Variants in TVP23C observed in about 807,000 individuals in gnomAD.
TVP23C encodes trans-golgi network vesicle protein 23 homolog C.
Under a neutral mutation model 28.7 loss-of-function variants are expected in TVP23C, and 19 were observed. The ratio of observed to expected loss-of-function variants is 0.66; its 90% CI spans 0.46 to 0.97. The LOEUF is 0.97. Ranked by LOEUF, TVP23C falls within the 50% of genes least tolerant of loss-of-function variation. TVP23C has a pLI of 0.00. For missense variants in TVP23C, 186 were observed against 241.3 expected (o/e 0.77, Z 1.52); for synonymous variants, 68 against 81.7 (o/e 0.83, Z 0.90).
At chr17:15,513,895 A>T (rs767527755) in intron 5 of TVP23C, among the ~76,000 whole-genome samples, 11 of 152,258 alleles carry the variant, frequency 7.2e-5, no homozygotes, top group Non-Finnish European at 1.0e-4. Context: ...ATCTCAGCAT[A>T]GGGCAGAAGA....
At chr17:15,510,564 G>A (rs567273671) in intron 5 of TVP23C, among the ~76,000 whole-genome samples, 1 of 152,108 alleles carries the variant, frequency 6.6e-6, no homozygotes, top group Non-Finnish European at 1.5e-5. Context: ...AGTTACCTTA[G>A]TCATAGTTCC....
chr17:15,505,950 C>G (rs1327217181), intron 5 of TVP23C, among the ~76,000 whole-genome samples: 1 of 152,238 alleles, frequency 6.6e-6, no homozygotes, highest in Non-Finnish European at 1.5e-5. Context: ...GACCTGCAGC[C>G]CGCCATGCCT....
exon 6 of TVP23C, chr17:15,503,060 GCTC>G: frequency 1.2e-6 from 2 of 1,614,128 alleles, no homozygotes; most frequent in Non-Finnish European, 1.7e-6. Flanking sequence ...CCAGTAAAGA[GCTC>G]GATCCGTGAT....
chr17:15,503,094 C>G, exon 6 of TVP23C: 3 of 1,614,104 alleles, frequency 1.9e-6, no homozygotes, highest in Non-Finnish European at 2.5e-6. Context: ...GAATTAATGT[C>G]TACCTGATGA....
intron 4 of TVP23C, among the ~76,000 whole-genome samples, chr17:15,546,248 T>C (rs1983642027): frequency 1.3e-5 from 2 of 151,964 alleles, no homozygotes; most frequent in South Asian, 2.1e-4. Context: ...TTCTGACCAA[T>C]GATCAAGGAA....
chr17:15,534,596 CA>C (rs1567637795), downstream of TVP23C, among the ~76,000 whole-genome samples: 1 of 147,972 alleles, frequency 6.8e-6, no homozygotes, highest in African/African-American at 2.5e-5. Context: ...CACACACACA[CA>C]CACACACACA....
At chr17:15,556,184 T>C (rs1354953296) in intron 1 of TVP23C, among the ~76,000 whole-genome samples, 2 of 152,194 alleles carry the variant, frequency 1.3e-5, no homozygotes, top group Admixed American at 6.5e-5. Context: ...CCCAAAGTGC[T>C]GGGATTACAG....
intron 3 of TVP23C, among the ~76,000 whole-genome samples, chr17:15,551,677 T>G (rs60194124): frequency 0.94 from 140,719 of 150,156 alleles, 66,261 homozygotes; most frequent in Non-Finnish European, 0.99. Flanking sequence ...GATTTTTTTG[T>G]GTGCGATTTT....
At chr17:15,563,094 T>C (rs1262024896) in intron 1 of TVP23C, 3 of 403,248 alleles carry the variant, frequency 7.4e-6, no homozygotes, top group African/African-American at 6.0e-5. Context: ...ATCGCACCCC[T>C]GGGTGTCAGG....
intron 5 of TVP23C, among the ~76,000 whole-genome samples, chr17:15,544,747 C>T (rs1983568941): frequency 2.0e-5 from 3 of 152,140 alleles, no homozygotes; most frequent in African/African-American, 7.2e-5. Context: ...TTAAAGGTAA[C>T]TACCAGAAGA....
intron 3 of TVP23C, among the ~76,000 whole-genome samples, chr17:15,550,728 T>C (rs1169217686): frequency 2.0e-5 from 3 of 152,230 alleles, no homozygotes; most frequent in African/African-American, 7.2e-5. Context: ...TTTCTTACTC[T>C]GATCCATATC....
Position 15,539,548 on chromosome 17 carries a change from A to C in TVP23C, c.*864T>G, listed in dbSNP as rs1983315594. On this transcript the variant is annotated 3_prime_UTR_variant, in exon 6 of 6. Coordinates refer to ENST00000518321, the MANE Select transcript of TVP23C (RefSeq NM_001135036.2). ...AACCCGGGAGGCGGAGCTTGCAGTA[A>C]GCCGAGATCACGCCACTGCACTCCA... The C allele has an allele frequency of 1.3e-6, 1 of 766,538 alleles. No homozygotes were observed. The highest frequency in any genetic ancestry group is 1.6e-6 in the Non-Finnish European group (1 of 631,084). 47.5% of individuals were successfully genotyped at this position (766,538 alleles called of 1,614,324 possible).
chr17:15,503,087 T>C lies in TVP23C; in HGVS notation c.608A>G (p.Asn203Ser), dbSNP rs1161986920. ...TCGATCCGTGATCCTCGTGAAAGAA[T>C]TAATGTCTACCTGATGAAACTTCCT... Residue 203 changes from asparagine to serine, a missense_variant, in exon 6 of 6, where the codon AAT (asparagine) becomes AGT (serine). Physicochemically the swap from Asn to Ser is conservative, Grantham distance 46. Transcript: ENST00000225576. The C allele has an allele frequency of 1.9e-6, 3 of 1,614,008 alleles. No individual in the cohort carries two copies. In the African/African-American group the frequency reaches 4.0e-5, roughly 22 times the overall value.
chr17:15,521,321 G>A (rs1982466656), intron 5 of TVP23C, among the ~76,000 whole-genome samples: 1 of 152,076 alleles, frequency 6.6e-6, no homozygotes, highest in South Asian at 2.1e-4. Context: ...TGCTAACATG[G>A]CAAAACCCCA....
chr17:15,523,224 C>T (rs1292732035), intron 5 of TVP23C, among the ~76,000 whole-genome samples: 1 of 151,452 alleles, frequency 6.6e-6, no homozygotes, highest in Non-Finnish European at 1.5e-5. Context: ...AGACTGGTCT[C>T]GAATGCCTGA....
chr17:15,518,395 G>A (rs189897299), intron 5 of TVP23C, among the ~76,000 whole-genome samples: 27 of 152,222 alleles, frequency 1.8e-4, no homozygotes, highest in Non-Finnish European at 2.1e-4. Flanking sequence ...TCCAGAAGGC[G>A]TCCCTAGCAT....
intron 5 of TVP23C, among the ~76,000 whole-genome samples, chr17:15,522,119 G>A (rs1331447594): frequency 2.0e-5 from 3 of 152,138 alleles, no homozygotes; most frequent in Non-Finnish European, 4.4e-5. Context: ...AGAATTGTGA[G>A]CAAATAATAC....
rs1597537479 is a variant in TVP23C, at chr17:15,545,825, A to T, written c.422T>A (p.Phe141Tyr). ...LIACSVLWVI[F>Y]AFSALFSFTV... ...GAAGGAGAAGAGTGCACTAAAGGCA[A>T]ATATCACCCACAGTACTGAACAGGC... The change falls in exon 5 of 6, where the codon TTT (phenylalanine) becomes TAT (tyrosine). Residue 141 changes from phenylalanine to tyrosine, a missense_variant. Transcript: ENST00000518321. The T allele has an allele frequency of 6.2e-7, 1 of 1,614,116 alleles. No individual in the cohort carries two copies. Among genetic ancestry groups the T allele is most frequent in the East Asian group, 2.2e-5 (1 of 44,864 alleles).
chr17:15,543,774 C>T (rs111401527), intron 5 of TVP23C, among the ~76,000 whole-genome samples: 70 of 151,554 alleles, frequency 4.6e-4, no homozygotes, highest in Admixed American at 1.3e-3. Flanking sequence ...CCCCTGTGTC[C>T]CCAGACAGCT....
Sources: gnomAD v4.1 joint callset for allele counts (sites outside exome capture counted in the v4.1 genomes callset) on GRCh38, gnomAD v4.1.1 for gene constraint, MANE v1.5 for transcripts, NCBI Gene and HGNC (gene_info 2026-07-23, HGNC 2026-07-21) for gene names.